The following SLC2A9 variants were observed in gnomAD, a reference collection of about 807,000 sequenced individuals.
SLC2A9 encodes the protein solute carrier family 2 member 9.
SLC2A9 carries 39 observed loss-of-function variants against 50.6 expected under a neutral mutation model. The ratio of observed to expected loss-of-function variants is 0.77; its 90% confidence interval spans 0.60 to 1.01. The LOEUF is 1.01. Ranked by LOEUF, SLC2A9 falls within the 50% of genes least tolerant of loss-of-function variation. The pLI, the probability that SLC2A9 is intolerant of heterozygous loss-of-function variation, is 0.00. For synonymous variants in SLC2A9, 324 were observed against 276.9 expected (o/e 1.17, Z -1.69); for missense variants, 686 against 677.6 (o/e 1.01, Z -0.14).
At chr4:10,005,513 G>C (rs1311054750) in intron 2 of SLC2A9, among the ~76,000 whole-genome samples, 1 of 152,234 alleles carries the variant, frequency 6.6e-6, no homozygotes, top group Admixed American at 6.5e-5. Context: ...TAGGTGCAGT[G>C]TGAAGGACAT....
intron 7 of SLC2A9, among the ~76,000 whole-genome samples, chr4:9,913,144 A>T (rs551816459): frequency 5.3e-5 from 8 of 152,182 alleles, no homozygotes; most frequent in Non-Finnish European, 1.0e-4. Flanking sequence ...CCAGAATTGT[A>T]AGATAATAAA....
intron 6 of SLC2A9, among the ~76,000 whole-genome samples, chr4:9,934,812 AG>A (rs1362663919): frequency 1.3e-5 from 2 of 151,532 alleles, no homozygotes; most frequent in African/African-American, 4.9e-5. Context: ...CCCTCCCCTC[AG>A]CCCCTGCCCA....
chr4:9,970,481 G>C (rs1192789366), intron 5 of SLC2A9, among the ~76,000 whole-genome samples: 1 of 152,074 alleles, frequency 6.6e-6, no homozygotes, highest in Non-Finnish European at 1.5e-5. Context: ...TGGACCAGGA[G>C]GGGCACAGCC....
intron 10 of SLC2A9, chr4:9,880,632 G>T: frequency 1.1e-6 from 1 of 909,560 alleles, no homozygotes; most frequent in Non-Finnish European, 1.3e-6. Context: ...AATCTGGCTT[G>T]TTTGTGTGCA....
At chr4:9,894,347 T>C (rs964935838) in intron 8 of SLC2A9, among the ~76,000 whole-genome samples, 1 of 152,212 alleles carries the variant, frequency 6.6e-6, no homozygotes, top group South Asian at 2.1e-4. Context: ...CTAAAACATG[T>C]AGTTATATAA....
intron 10 of SLC2A9, among the ~76,000 whole-genome samples, chr4:9,884,370 A>C (rs1009623593): frequency 6.6e-6 from 1 of 152,144 alleles, no homozygotes; most frequent in Non-Finnish European, 1.5e-5. Flanking sequence ...TTCTGAGCTC[A>C]AGTGAGCCTT....
chr4:9,791,748 G>A (rs1281485551), intron 3 of SLC2A9, among the ~76,000 whole-genome samples: 4 of 152,138 alleles, frequency 2.6e-5, no homozygotes, highest in African/African-American at 9.7e-5. Context: ...GCGTCCCTCA[G>A]TTGAGCCTTC....
At chr4:10,018,590 A>AGATAGATAGATAG in intron 2 of SLC2A9, among the ~76,000 whole-genome samples, 1 of 124,306 alleles carries the variant, frequency 8.0e-6, no homozygotes, top group Admixed American at 8.1e-5. Context: ...ATAGATAGAT[A>AGATAGATAGATAG]ACAACAACAA....
chr4:9,788,282 A>G (rs1195455475), intron 3 of SLC2A9, among the ~76,000 whole-genome samples: 1 of 151,882 alleles, frequency 6.6e-6, no homozygotes, highest in African/African-American at 2.4e-5. Flanking sequence ...CCTTGACTCC[A>G]GGGCCAAAGT....
chr4:9,818,141 C>T (rs986323215), intron 3 of SLC2A9, among the ~76,000 whole-genome samples: 2 of 152,156 alleles, frequency 1.3e-5, no homozygotes, highest in African/African-American at 2.4e-5. Context: ...GATGCTGGGT[C>T]GTGGATGACC....
chr4:9,882,035 C>G (rs774522290), intron 10 of SLC2A9, among the ~76,000 whole-genome samples: 1 of 152,134 alleles, frequency 6.6e-6, no homozygotes, highest in Non-Finnish European at 1.5e-5. Flanking sequence ...AGACAAAGAC[C>G]AAAGATTGTT....
Position 10,021,356 on chromosome 4 carries a change from C to T in SLC2A9, c.74G>A (p.Gly25Glu). Residue 25 changes from glycine to glutamate, a missense_variant, in exon 1 of 12, where the codon GGG becomes GAG. Coordinates refer to ENST00000264784, the MANE Select transcript of SLC2A9 (RefSeq NM_020041.3). Reference protein sequence around the residue: ...VPLTDDTSHAGPPGPGRALLE... With the variant: ...VPLTDDTSHAEPPGPGRALLE... ...CAGTGCCCTCCCTGGCCCTGGAGGC[C>T]CGGCGTGGCTGGTGTCATCTGTGAG... 1 of 1,614,246 alleles carries T rather than the reference C, an allele frequency of 6.2e-7. No homozygotes were observed.
chr4:9,801,941 C>T (rs756849080), intron 3 of SLC2A9, among the ~76,000 whole-genome samples: 21 of 152,294 alleles, frequency 1.4e-4, no homozygotes, highest in Middle Eastern at 6.8e-3. Flanking sequence ...CTGAACATTT[C>T]AGGCAAGGGT....
intron 5 of SLC2A9, among the ~76,000 whole-genome samples, chr4:9,958,453 T>C (rs1389311135): frequency 6.6e-6 from 1 of 151,862 alleles, no homozygotes; most frequent in Admixed American, 6.6e-5. Flanking sequence ...TGAGAACACA[T>C]GGACACAGGG....
At chr4:9,908,761 C>A (rs888785040) in intron 7 of SLC2A9, among the ~76,000 whole-genome samples, 3 of 152,088 alleles carry the variant, frequency 2.0e-5, no homozygotes, top group Non-Finnish European at 2.9e-5. Context: ...CTGGGAATGT[C>A]CAGCTAAAAG....
At chr4:9,988,091 C>T (rs1015238263) in intron 3 of SLC2A9, among the ~76,000 whole-genome samples, 9 of 152,214 alleles carry the variant, frequency 5.9e-5, no homozygotes, top group Admixed American at 1.3e-4. Context: ...TGCTCCTGGA[C>T]TGCAGGGGAC....
intron 10 of SLC2A9, among the ~76,000 whole-genome samples, chr4:9,860,299 C>T (rs1731406926): frequency 6.6e-6 from 1 of 152,232 alleles, no homozygotes; most frequent in African/African-American, 2.4e-5. Context: ...CCCTGCCCAG[C>T]CATCTGGCAC....
intron 5 of SLC2A9, among the ~76,000 whole-genome samples, chr4:9,979,337 GC>G (rs1167669790): frequency 1.3e-5 from 2 of 151,974 alleles, no homozygotes; most frequent in Non-Finnish European, 2.9e-5. Flanking sequence ...TGTTATGTTT[GC>G]CCCCTGCTGC....
intron 1 of SLC2A9, among the ~76,000 whole-genome samples, chr4:10,029,766 G>A (rs982541688): frequency 2.6e-5 from 4 of 151,688 alleles, no homozygotes; most frequent in Non-Finnish European, 4.4e-5. Flanking sequence ...ATAGGCACCC[G>A]CCACCATGCC....
Sources: allele counts gnomAD v4.1 joint callset (sites outside exome capture counted in the v4.1 genomes callset), GRCh38; gene constraint gnomAD v4.1.1; transcripts MANE v1.5; gene names NCBI Gene and HGNC (gene_info 2026-07-23, HGNC 2026-07-21).